Variants in SVIL observed in about 807,000 individuals in gnomAD.
SVIL encodes the protein supervillin.
SVIL carries 101 observed loss-of-function variants against 240.4 expected under a neutral mutation model. The ratio of observed to expected loss-of-function variants is 0.42; its 90% CI spans 0.36 to 0.50. The LOEUF (loss-of-function observed/expected upper bound fraction) is 0.50, where lower values mean the gene tolerates loss of function less well. Among genes scored for constraint, SVIL ranks in the 20% least tolerant of loss-of-function variants. SVIL has a pLI of 0.01. For missense variants in SVIL, 2,512 were observed against 2,818.7 expected (o/e 0.89, Z 2.46); for synonymous variants, 999 against 1,100.0 (o/e 0.91, Z 1.82).
At chr10:29,464,691 C>T (rs11007602) in intron 34 of SVIL, among the ~76,000 whole-genome samples, 14,424 of 152,206 alleles carry the variant, frequency 0.095, 868 homozygotes, top group Non-Finnish European at 0.13. Flanking sequence ...GGCACACCCT[C>T]TCTTACTGGT....
chr10:29,681,315 C>A (rs976183100), intron 2 of SVIL, among the ~76,000 whole-genome samples: 1 of 151,594 alleles, frequency 6.6e-6, no homozygotes, highest in African/African-American at 2.4e-5. Flanking sequence ...GAATGACAGC[C>A]CAGGGAATAG....
chr10:29,708,569 C>G (rs530640865), intron 1 of SVIL, among the ~76,000 whole-genome samples: 1 of 151,836 alleles, frequency 6.6e-6, no homozygotes, highest in Non-Finnish European at 1.5e-5. Flanking sequence ...TGCAGTGAGC[C>G]GAGATTGCGC....
intron 1 of SVIL, among the ~76,000 whole-genome samples, chr10:29,574,455 G>C (rs1165166269): frequency 1.3e-5 from 2 of 152,152 alleles, no homozygotes; most frequent in African/African-American, 4.8e-5. Flanking sequence ...GGATCTATGA[G>C]TGAACCATTG....
At chr10:29,720,872 C>G (rs1963929220) in intron 1 of SVIL, among the ~76,000 whole-genome samples, 1 of 152,132 alleles carries the variant, frequency 6.6e-6, no homozygotes, top group Non-Finnish European at 1.5e-5. Context: ...TTTTGAGACA[C>G]AGTCTTGCTC....
At chr10:29,511,941 G>A (rs1204069194) in intron 17 of SVIL, among the ~76,000 whole-genome samples, 2 of 152,174 alleles carry the variant, frequency 1.3e-5, no homozygotes, top group Admixed American at 6.5e-5. Context: ...GGGGATCATC[G>A]GGTTGAAAGC....
intron 6 of SVIL, among the ~76,000 whole-genome samples, chr10:29,549,716 T>C (rs1953056814): frequency 7.0e-6 from 1 of 142,936 alleles, no homozygotes; most frequent in African/African-American, 2.6e-5. Context: ...GTTCATGTCC[T>C]TTGCAGGGAC....
intron 18 of SVIL, chr10:29,496,601 G>A (rs1588984697): frequency 7.0e-6 from 2 of 287,612 alleles, no homozygotes; most frequent in South Asian, 5.9e-5. Context: ...ATGCAAACGT[G>A]CTCCCCACCT....
At position 29,471,142 on chromosome 10, in the gene SVIL, C is replaced by T. The variant is rs747164119; in HGVS notation, c.5631G>A (p.Val1877=). ...CCAGCAGTAAAAGTGACTTACTTTG[C>T]ACATTTTCTTCTTCCTCTTCCCGCC... is the stretch of plus-strand genomic sequence containing the variant. ...SGRREEEEEN[V]QSEWRLYCVR... Residue 1877 remains valine, a synonymous_variant, in exon 31 of 38, where the codon GTG becomes GTA. Coordinates refer to ENST00000355867, the MANE Select transcript of SVIL (RefSeq NM_021738.3). 1 of 1,613,182 alleles carries T rather than the reference C, an allele frequency of 6.2e-7. No homozygotes were observed. The highest frequency in any genetic ancestry group is 2.2e-5 in the East Asian group (1 of 44,850).
chr10:29,612,246 T>C (rs1362068740), intron 1 of SVIL, among the ~76,000 whole-genome samples: 2 of 152,158 alleles, frequency 1.3e-5, no homozygotes, highest in Admixed American at 1.3e-4. Flanking sequence ...TGACTATGGA[T>C]CCTCAACAGC....
At chr10:29,526,299 CTCTTTCTTTTTTTT>C (rs1950902938) in intron 13 of SVIL, among the ~76,000 whole-genome samples, 1 of 136,778 alleles carries the variant, frequency 7.3e-6, no homozygotes, top group Non-Finnish European at 1.6e-5. Context: ...TTCTTTTTTT[CTCTTTCTTTTTTTT>C]TTTTTTTTTT....
At chr10:29,462,439 G>C (rs766988566) in intron 35 of SVIL, 38 bp from the exon 36 acceptor site, 1 of 1,595,936 alleles carries the variant, frequency 6.3e-7, no homozygotes, top group South Asian at 1.1e-5. Flanking sequence ...TAGACCCCAG[G>C]GAGACCCTGT....
intron 1 of SVIL, among the ~76,000 whole-genome samples, chr10:29,600,647 C>T (rs768118915): frequency 3.3e-5 from 5 of 152,146 alleles, no homozygotes; most frequent in Non-Finnish European, 7.3e-5. Flanking sequence ...ATTTTATACA[C>T]ATATTATTAG....
chr10:29,460,341 G>T (rs542112217), intron 36 of SVIL, among the ~76,000 whole-genome samples: 1 of 152,264 alleles, frequency 6.6e-6, no homozygotes, highest in Admixed American at 6.5e-5. Context: ...TGTATAACTT[G>T]CTGGTGTGGG....
intron 1 of SVIL, among the ~76,000 whole-genome samples, chr10:29,615,259 G>T (rs1957389152): frequency 6.6e-6 from 1 of 152,166 alleles, no homozygotes; most frequent in Non-Finnish European, 1.5e-5. Flanking sequence ...TTTAATTAAA[G>T]AATTTTCTAG....
intron 3 of SVIL, 22 bp downstream of exon 3, chr10:29,563,179 G>A (rs1239978761): frequency 1.1e-6 from 1 of 884,796 alleles, no homozygotes; most frequent in African/African-American, 1.8e-5. Flanking sequence ...AGACATGGTT[G>A]GTCACTTAGG....
Position 29,550,591 on chromosome 10 carries a change from G to A in SVIL, c.827+6C>T. The A allele has an allele frequency of 3.1e-6, 5 of 1,600,100 alleles. No homozygotes were observed. Among genetic ancestry groups the A allele is most frequent in the Non-Finnish European group, 4.3e-6 (5 of 1,173,446 alleles). On this transcript the variant is annotated splice_donor_region_variant and intron_variant, in intron 6 of 37. Coordinates refer to ENST00000355867, the MANE Select transcript of SVIL (RefSeq NM_021738.3). ...TCAGGGTGCTTAGCGTGGACTGGAT[G>A]CTTACCTGGGTCGGGCCTCAGGGGA...
chr10:29,649,146 C>T (rs1032949708), intron 3 of SVIL, among the ~76,000 whole-genome samples: 7 of 151,942 alleles, frequency 4.6e-5, no homozygotes, highest in South Asian at 2.1e-4. Flanking sequence ...GGTGACAGAG[C>T]GAGGCCCTGT....
chr10:29,458,791 T>A, intron 36 of SVIL: 1 of 406,922 alleles, frequency 2.5e-6, no homozygotes, highest in South Asian at 6.9e-5. Context: ...ATTTTTAAAA[T>A]TTTTAAATTT....
chr10:29,480,227 C>T (rs1946677195), intron 29 of SVIL, among the ~76,000 whole-genome samples: 2 of 152,180 alleles, frequency 1.3e-5, no homozygotes, highest in Admixed American at 6.5e-5. Context: ...AGAGGCCAAT[C>T]ATCTCTTTCC....
Sources: gnomAD v4.1 joint callset for allele counts (sites outside exome capture counted in the v4.1 genomes callset) on GRCh38, gnomAD v4.1.1 for gene constraint, MANE v1.5 for transcripts, NCBI Gene and HGNC (gene_info 2026-07-23, HGNC 2026-07-21) for gene names.